Variants in TAF1L observed in about 807,000 individuals in gnomAD.
TAF1L encodes TATA-box binding protein associated factor 1 like.
TAF1L carries 30 observed loss-of-function variants against 128.8 expected under a neutral mutation model. The observed-to-expected ratio is 0.23, with a 90% CI of 0.17 to 0.32. The LOEUF is 0.32. Ranked by LOEUF, TAF1L falls within the 10% of genes least tolerant of loss-of-function variation. The probability of loss-of-function intolerance (pLI) is 1.00; values close to 1 mark genes in which losing one functional copy is unlikely to be tolerated. For synonymous variants in TAF1L, 764 were observed against 790.7 expected (o/e 0.97, Z 0.57); for missense variants, 2,099 against 2,253.7 (o/e 0.93, Z 1.39).
Position 32,633,742 on chromosome 9 carries a change from G to A in TAF1L, c.1838C>T (p.Pro613Leu), listed in dbSNP as rs1301655205. The A allele has an allele frequency of 6.2e-7, 1 of 1,614,198 alleles. No homozygotes were observed. The highest frequency in any genetic ancestry group is 8.5e-7 in the Non-Finnish European group (1 of 1,180,050). ...FGGNIIQHSI[P>L]AMELWQPFFP... Reference sequence around the variant, plus strand: ...GAAGGGCTGCCATAATTCCATAGCAGGAATTGAATGCTGGATAATATTCCC... The same window carrying A: ...GAAGGGCTGCCATAATTCCATAGCAAGAATTGAATGCTGGATAATATTCCC... The change falls in exon 1 of 1, where the codon CCT becomes CTT. Residue 613 changes from proline to leucine, a missense_variant. Coordinates refer to ENST00000242310, the MANE Select transcript of TAF1L (RefSeq NM_153809.2).
rs747520208 is a variant in TAF1L, at chr9:32,635,382, T to C, written c.198A>G (p.Ala66=). The C allele has an allele frequency of 2.5e-6, 4 of 1,614,168 alleles. No individual in the cohort carries two copies. The highest frequency in any genetic ancestry group is 3.4e-6 in the Non-Finnish European group (4 of 1,180,024). ...VLDDECKKHL[A]GLGALGLGSL... ...TGCCCAGCCCCAAAGCCCCCAAGCC[T>C]GCCAAGTGCTTCTTACACTCATCAT... The change falls in exon 1 of 1, where the codon GCA becomes GCG. Residue 66 remains alanine (A), a synonymous_variant. Coordinates refer to ENST00000242310, the MANE Select transcript of TAF1L (RefSeq NM_153809.2).
At position 32,635,492 on chromosome 9, in the gene TAF1L, A is replaced by T; in HGVS notation, c.88T>A (p.Ser30Thr). Residue 30 changes from serine (S) to threonine (T), a missense_variant, in exon 1 of 1, where the codon TCT becomes ACT. Coordinates refer to ENST00000242310, the MANE Select transcript of TAF1L (RefSeq NM_153809.2). ...MSDSDSEEDSSGGGPFTLAGI... is the reference protein window; with the variant it reads ...MSDSDSEEDSTGGGPFTLAGI... ...GCTAAAGTAAATGGGCCACCTCCAG[A>T]TGAATCTTCCTCGCTGTCCGAGTCT... is the stretch of plus-strand genomic sequence containing the variant. 6.2e-7 allele frequency: 1 copy of T among 1,614,174 alleles called. No individual in the cohort carries two copies. The highest frequency in any genetic ancestry group is 8.5e-7 in the Non-Finnish European group (1 of 1,180,028).
At position 32,634,543 on chromosome 9, in the gene TAF1L, T is replaced by C. The variant is rs1029598691; in HGVS notation, c.1037A>G (p.Asp346Gly). 4 of 1,614,030 alleles carry C rather than the reference T, an allele frequency of 2.5e-6. No individual in the cohort carries two copies. The African/African-American group carries it at 4.0e-5, about 16-fold the overall frequency. ...TTTGGTATCTGTCACTTTATCTACA[T>C]CTCCAGTTGATTGGGAAAATTTGGA... is the stretch of plus-strand genomic sequence containing the variant. ...VESKFSQSTGDVDKVTDTKPR... is the reference protein window; with the variant it reads ...VESKFSQSTGGVDKVTDTKPR... The change falls in exon 1 of 1, where the codon GAT becomes GGT. Residue 346 changes from aspartate (D) to glycine (G), a missense_variant. Asp to Gly is a moderately conservative substitution (Grantham distance 94). Transcript: ENST00000242310.
In TAF1L at chr9:32,631,164, C is replaced by T. The variant is rs1469997359; in HGVS notation, c.4416G>A (p.Val1472=). ...EEFREHLELI[V]KNSATYNGPK... ...GCCCATTGTAGGTCGCACTGTTTTTCACAATTAGCTCCAGATGCTCTCTGA... is the reference window on the plus strand; with the variant it reads ...GCCCATTGTAGGTCGCACTGTTTTTTACAATTAGCTCCAGATGCTCTCTGA... The change falls in exon 1 of 1, where the codon GTG becomes GTA. Residue 1472 remains valine, a synonymous_variant. Transcript: ENST00000242310. The surrounding 1 kb of genome is among the most constrained non-coding windows in gnomAD (Gnocchi z 4.1). The T allele has an allele frequency of 1.9e-6, 3 of 1,614,080 alleles. No homozygotes were observed. In the African/African-American group the frequency reaches 4.0e-5, roughly 22 times the overall value.
At position 32,633,491 on chromosome 9, in the gene TAF1L, G is replaced by C; in HGVS notation, c.2089C>G (p.Leu697Val). ...TCCTCACTATATTCTGCAAGAATAA[G>C]ATCTCCATCTTTGCCTGTGAGATCC... ...PQDLTGKDGD[L>V]ILAEYSEENG... The change falls in exon 1 of 1, where the codon CTT becomes GTT. Residue 697 changes from leucine (L) to valine (V), a missense_variant. By Grantham distance (32) the Leu-to-Val change is conservative. Transcript: ENST00000242310. 6.2e-7 allele frequency: 1 copy of C among 1,614,188 alleles called. No individual in the cohort carries two copies. The highest frequency in any genetic ancestry group is 8.5e-7 in the Non-Finnish European group (1 of 1,180,038).
rs1306128150 is a variant in TAF1L at position 32,634,581 on chromosome 9, C to G, written c.999G>C (p.Met333Ile). The change falls in exon 1 of 1, where the codon ATG (methionine) becomes ATC (isoleucine). Residue 333 changes from methionine (M) to isoleucine (I), a missense_variant. Met to Ile is a conservative substitution (Grantham distance 10, BLOSUM62 1). Transcript: ENST00000242310. ...GGGAAAATTTGGACTCCACAGGAACCATCATCGTGATTTCATCATCAGCGA... is the reference window on the plus strand; with the variant it reads ...GGGAAAATTTGGACTCCACAGGAACGATCATCGTGATTTCATCATCAGCGA... ...QCLADDEITMMVPVESKFSQS... is the reference protein window; with the variant it reads ...QCLADDEITMIVPVESKFSQS... The G allele has an allele frequency of 6.2e-7, 1 of 1,614,130 alleles. No individual in the cohort carries two copies. Among genetic ancestry groups the G allele is most frequent in the Non-Finnish European group, 8.5e-7 (1 of 1,180,034 alleles).
Position 32,632,259 on chromosome 9 carries a change from G to A in TAF1L, c.3321C>T (p.Asp1107=). The A allele has an allele frequency of 1.9e-6, 3 of 1,614,208 alleles. No individual in the cohort carries two copies. Among genetic ancestry groups the A allele is most frequent in the Non-Finnish European group, 2.5e-6 (3 of 1,180,040 alleles). ...SSTEVLSTDT[D]SISAEDSDFE... ...AGTCACTATCTTCAGCTGAGATGCT[G>A]TCTGTGTCAGTTGATAAGACCTCAG... is the stretch of plus-strand genomic sequence containing the variant. The change falls in exon 1 of 1, where the codon GAC becomes GAT. Residue 1107 remains aspartate, a synonymous_variant. Coordinates refer to ENST00000242310, the MANE Select transcript of TAF1L (RefSeq NM_153809.2). The surrounding 1 kb of genome is among the most constrained non-coding windows in gnomAD (Gnocchi z 4.4).
chr9:32,634,119 A>C lies in TAF1L; in HGVS notation c.1461T>G (p.Phe487Leu), dbSNP rs1259319969. Residue 487 changes from phenylalanine (F) to leucine (L), a missense_variant, in exon 1 of 1, where the codon TTT (phenylalanine) becomes TTG (leucine). Physicochemically the swap from Phe to Leu is conservative, Grantham distance 22 (BLOSUM62 0). Transcript: ENST00000242310. Reference protein sequence around the residue: ...LDDDKPWYSIFPIDNEDLVYG... With the variant: ...LDDDKPWYSILPIDNEDLVYG... ...ACACCAGATCCTCATTGTCAATGGG[A>C]AAAATGGAGTACCAAGGTTTGTCAT... 7.4e-6 allele frequency: 12 copies of C among 1,614,198 alleles called. No homozygotes were observed. Among genetic ancestry groups the C allele is most frequent in the Non-Finnish European group, 1.0e-5 (12 of 1,180,044 alleles).
Position 32,630,311 on chromosome 9 carries a change from C to A in TAF1L, c.5269G>T (p.Ala1757Ser), listed in dbSNP as rs142325458. 3.5e-5 allele frequency: 56 copies of A among 1,614,102 alleles called. No individual in the cohort carries two copies. The highest frequency in any genetic ancestry group is 4.7e-5 in the Non-Finnish European group (55 of 1,180,054). Residue 1757 changes from alanine (A) to serine (S), a missense_variant, in exon 1 of 1, where the codon GCC (alanine) becomes TCC (serine). Ala to Ser is a moderately conservative substitution (Grantham distance 99). Around this residue, in one of 4 missense-constraint regions of TAF1L, gnomAD observed 404 missense variants for 406.5 expected, o/e 0.99. Coordinates refer to ENST00000242310, the MANE Select transcript of TAF1L (RefSeq NM_153809.2). ...AGCAAATCCTCATACAGGACACTGG[C>A]TTCAGGTTGTTGTACAGTTCCTTCC... is the stretch of plus-strand genomic sequence containing the variant. ...EEEGTVQQPEASVLYEDLLIS... is the reference protein window; with the variant it reads ...EEEGTVQQPESSVLYEDLLIS...
In TAF1L at chr9:32,632,885, C is replaced by A; in HGVS notation, c.2695G>T (p.Val899Leu). Residue 899 changes from valine to leucine, a missense_variant, in exon 1 of 1, where the codon GTG becomes TTG. This residue lies in a region of TAF1L where 1,213 missense variants were observed against 1,391.4 expected (regional missense o/e 0.87). Transcript: ENST00000242310. This position sits in a 1 kb window ranked among gnomAD's most constrained non-coding sequence, Gnocchi z 4.4. ...LPTEEEIRAK[V>L]SPEQCCAYYS... ...TAAGCACAGCACTGCTCTGGTGACA[C>A]CTTAGCTCTGATCTCTTCTTCCGTT... 1 of 1,614,238 alleles carries A rather than the reference C, an allele frequency of 6.2e-7. No individual in the cohort carries two copies. Among genetic ancestry groups the A allele is most frequent in the South Asian group, 1.1e-5 (1 of 91,088 alleles).
rs764369938 is a variant in TAF1L at position 32,633,219 on chromosome 9, T to C, written c.2361A>G (p.Arg787=). 11 of 1,614,048 alleles carry C rather than the reference T, an allele frequency of 6.8e-6. No individual in the cohort carries two copies. The highest frequency in any genetic ancestry group is 9.3e-6 in the Non-Finnish European group (11 of 1,180,034). Residue 787 remains arginine (R), a synonymous_variant, in exon 1 of 1, where the codon AGA becomes AGG. Coordinates refer to ENST00000242310, the MANE Select transcript of TAF1L (RefSeq NM_153809.2). ...CTAATTCCCGAATATAGTAACCCTGTCTTGTCCGAATGATCAGAAAATCAG... is the reference window on the plus strand; with the variant it reads ...CTAATTCCCGAATATAGTAACCCTGCCTTGTCCGAATGATCAGAAAATCAG... ...PETDFLIIRT[R]QGYYIRELVD... is the part of the protein sequence containing the mutation.
Position 32,632,178 on chromosome 9 carries a change from A to G in TAF1L, c.3402T>C (p.Ser1134=). 1 of 1,614,176 alleles carries G rather than the reference A, an allele frequency of 6.2e-7. No individual in the cohort carries two copies. Among genetic ancestry groups the G allele is most frequent in the Non-Finnish European group, 8.5e-7 (1 of 1,180,042 alleles). ...ENMLQNKKTS[S]QLSREWEEQE... ...GCTCCTCCCATTCACGTGACAGCTG[A>G]GAGCTGGTTTTCTTGTTCTGCAACA... Residue 1134 remains serine, a synonymous_variant, in exon 1 of 1, where the codon TCT becomes TCC. Transcript: ENST00000242310. The surrounding 1 kb of genome is among the most constrained non-coding windows in gnomAD (Gnocchi z 4.4).
rs780097569 is a variant in TAF1L, at chr9:32,630,862, C to T, written c.4718G>A (p.Arg1573His). ...IVNPVDLETI[R>H]KNISKHKYQS... ...ATACTTGTGCTTGGAGATGTTCTTA[C>T]GTATGGTCTCTAAATCCACTGGATT... Residue 1573 changes from arginine (R) to histidine (H), a missense_variant, in exon 1 of 1, where the codon CGT becomes CAT. Arg to His is a conservative substitution (Grantham distance 29). This residue lies in a region of TAF1L where 404 missense variants were observed against 406.5 expected (regional missense o/e 0.99). Coordinates refer to ENST00000242310, the MANE Select transcript of TAF1L (RefSeq NM_153809.2). 8.7e-6 allele frequency: 14 copies of T among 1,614,022 alleles called. No individual in the cohort carries two copies. Among genetic ancestry groups the T allele is most frequent in the African/African-American group, 1.3e-5 (1 of 74,914 alleles).
chr9:32,630,071 G>A lies in TAF1L; in HGVS notation c.*28C>T, dbSNP rs773916138. ...CCAAATCATGGGAAGCCTCCCCACC[G>A]TCTCCCTCATGGGACATCATGCTTT... On this transcript the variant is annotated 3_prime_UTR_variant, in exon 1 of 1. Transcript: ENST00000242310. The A allele has an allele frequency of 5.3e-5, 85 of 1,612,932 alleles. No individual in the cohort carries two copies. The highest frequency in any genetic ancestry group is 3.5e-4 in the South Asian group (32 of 90,848).
chr9:32,630,114 A>G lies in TAF1L; in HGVS notation c.5466T>C (p.Asp1822=), dbSNP rs751723903. The G allele has an allele frequency of 1.9e-6, 3 of 1,613,932 alleles. No homozygotes were observed. The African/African-American group carries it at 4.0e-5, about 22-fold the overall frequency. The change falls in exon 1 of 1, where the codon GAT becomes GAC. Residue 1822 remains aspartate (D), a synonymous_variant. Coordinates refer to ENST00000242310, the MANE Select transcript of TAF1L (RefSeq NM_153809.2). The part of the protein sequence containing the change: ...MLQHASGEHK[D]GHGK Reference sequence around the variant, plus strand: ...CATGCTTTCTTCATTTTCCGTGCCCATCCTTGTGTTCTCCTGAAGCATGCT... The same window carrying G: ...CATGCTTTCTTCATTTTCCGTGCCCGTCCTTGTGTTCTCCTGAAGCATGCT...
chr9:32,630,345 T>G lies in TAF1L; in HGVS notation c.5235A>C (p.Ala1745=). 1 of 1,614,226 alleles carries G rather than the reference T, an allele frequency of 6.2e-7. No individual in the cohort carries two copies. Among genetic ancestry groups the G allele is most frequent in the Non-Finnish European group, 8.5e-7 (1 of 1,180,044 alleles). Residue 1745 remains alanine, a synonymous_variant, in exon 1 of 1, where the codon GCA becomes GCC. Coordinates refer to ENST00000242310, the MANE Select transcript of TAF1L (RefSeq NM_153809.2). The stretch of plus-strand genomic sequence containing the variant: ...GTTGTACAGTTCCTTCCTCTTCATC[T>G]GCAAGATCACCATCTCCCCCTTCTG... ...PAPEGGDGDL[A]DEEEGTVQQP...
chr9:32,630,833 T>C lies in TAF1L; in HGVS notation c.4747A>G (p.Ser1583Gly). The change falls in exon 1 of 1, where the codon AGT becomes GGT. Residue 1583 changes from serine (S) to glycine (G), a missense_variant. Transcript: ENST00000242310. ...ACATCATCTAGAAAACTCTCCCGAC[T>C]CTGATACTTGTGCTTGGAGATGTTC... ...RKNISKHKYQSRESFLDDVNL... is the reference protein window; with the variant it reads ...RKNISKHKYQGRESFLDDVNL... The C allele has an allele frequency of 1.9e-6, 3 of 1,614,220 alleles. No homozygotes were observed. The highest frequency in any genetic ancestry group is 2.5e-6 in the Non-Finnish European group (3 of 1,180,042).
rs1188621708 is a variant in TAF1L at position 32,634,334 on chromosome 9, G to A, written c.1246C>T (p.Leu416=). ...KLEESNGTDL[L]ADENFLMVTQ... ...ACCATCAGGAAGTTTTCGTCAGCCAGAAGATCAGTGCCATTGCTTTCCTCA... is the reference window on the plus strand; with the variant it reads ...ACCATCAGGAAGTTTTCGTCAGCCAAAAGATCAGTGCCATTGCTTTCCTCA... Residue 416 remains leucine (L), a synonymous_variant, in exon 1 of 1, where the codon CTG becomes TTG. Coordinates refer to ENST00000242310, the MANE Select transcript of TAF1L (RefSeq NM_153809.2). 1.2e-6 allele frequency: 2 copies of A among 1,614,080 alleles called. No individual in the cohort carries two copies. The highest frequency in any genetic ancestry group is 2.7e-5 in the African/African-American group (2 of 74,934).
chr9:32,631,112 G>C lies in TAF1L; in HGVS notation c.4468C>G (p.Gln1490Glu), dbSNP rs1203562527. The C allele has an allele frequency of 6.2e-7, 1 of 1,614,198 alleles. No homozygotes were observed. Among genetic ancestry groups the C allele is most frequent in the East Asian group, 2.2e-5 (1 of 44,884 alleles). The change falls in exon 1 of 1, where the codon CAA becomes GAA. Residue 1490 changes from glutamine (Q) to glutamate (E), a missense_variant. Gln to Glu is a conservative substitution (Grantham distance 29). This residue lies in a region of TAF1L where 404 missense variants were observed against 406.5 expected (regional missense o/e 0.99). Coordinates refer to ENST00000242310, the MANE Select transcript of TAF1L (RefSeq NM_153809.2). This position sits in a 1 kb window ranked among gnomAD's most constrained non-coding sequence, Gnocchi z 4.1. ...TCATCACAGAGATCCAGCATGGATT[G>C]AGAGATCTGAGTCAATGAATGTTTT... is the stretch of plus-strand genomic sequence containing the variant. ...GPKHSLTQISQSMLDLCDEKL... is the reference protein window; with the variant it reads ...GPKHSLTQISESMLDLCDEKL...
Sources: allele counts gnomAD v4.1 joint callset, GRCh38; gene constraint gnomAD v4.1.1; regional missense constraint gnomAD v4.1.1; non-coding constraint Gnocchi (gnomAD v3.1); transcripts MANE v1.5; gene names NCBI Gene and HGNC (gene_info 2026-07-23, HGNC 2026-07-21).